The following ENPP2 variants were observed in gnomAD, a reference collection of about 807,000 sequenced individuals.
The protein encoded by ENPP2 is autotaxin.
A neutral mutation model predicts 120.2 loss-of-function variants in ENPP2; 51 were observed. The ratio of observed to expected loss-of-function variants is 0.42; its 90% CI spans 0.34 to 0.54. ENPP2 has a LOEUF of 0.54. Ranked by LOEUF, ENPP2 falls within the 20% of genes least tolerant of loss-of-function variation. The probability of loss-of-function intolerance (pLI) is 0.04; values close to 1 mark genes in which losing one functional copy is unlikely to be tolerated. For missense variants in ENPP2, 920 were observed against 1,066.5 expected (o/e 0.86, Z 1.91); for synonymous variants, 365 against 366.4 (o/e 1.00, Z 0.04).
intron 11 of ENPP2, among the ~76,000 whole-genome samples, chr8:119,598,981 T>C (rs1358298524): frequency 6.6e-6 from 1 of 152,218 alleles, no homozygotes; most frequent in Admixed American, 6.5e-5. Context: ...AACTTTTAAG[T>C]AGGGAACATG....
chr8:119,618,763 G>A lies in ENPP2; in HGVS notation c.479+481C>T, dbSNP rs187429630. On this transcript the variant is annotated intron_variant, in intron 5 of 24. Coordinates refer to ENST00000075322, the MANE Select transcript of ENPP2 (RefSeq NM_001040092.3). ...TTGGCCAGGCTGGTCTCAAACTCCT[G>A]ACCTCAAATGATATGCCCGCCTCAG... Among the ~76,000 whole-genome samples the A allele has an allele frequency of 2.3e-4, 35 of 151,776 alleles. No homozygotes were observed. The East Asian group carries it at 6.6e-3, about 29-fold the overall frequency.
At chr8:119,605,706 G>T (rs1814675560) in intron 9 of ENPP2, among the ~76,000 whole-genome samples, 1 of 108,436 alleles carries the variant, frequency 9.2e-6, no homozygotes. Flanking sequence ...GACCTCAGGT[G>T]ATCTGCCCAC....
intron 3 of ENPP2, among the ~76,000 whole-genome samples, chr8:119,622,677 A>G (rs1815988169): frequency 6.6e-6 from 1 of 152,206 alleles, no homozygotes; most frequent in African/African-American, 2.4e-5. Flanking sequence ...GTGTTCAATC[A>G]ATATGTATTA....
intron 3 of ENPP2, 105 bp downstream of exon 3, chr8:119,626,460 C>T (rs548192513): frequency 7.4e-4 from 578 of 785,560 alleles, no homozygotes; most frequent in Non-Finnish European, 1.1e-3. Flanking sequence ...CTAGAATCCA[C>T]AGTTTGGATA....
chr8:119,607,164 C>T (rs752551242), intron 9 of ENPP2, among the ~76,000 whole-genome samples: 7 of 152,134 alleles, frequency 4.6e-5, no homozygotes, highest in African/African-American at 7.2e-5. Flanking sequence ...TCCTTCGGCT[C>T]CCCAGAGGCC....
intron 2 of ENPP2, among the ~76,000 whole-genome samples, chr8:119,634,737 T>G (rs2130822887): frequency 6.6e-6 from 1 of 152,326 alleles, no homozygotes; most frequent in African/African-American, 2.4e-5. Context: ...ATTTTAGAAG[T>G]TCTTTTCAAA....
chr8:119,599,285 T>C (rs1814117647), intron 11 of ENPP2, among the ~76,000 whole-genome samples: 1 of 152,208 alleles, frequency 6.6e-6, no homozygotes. Context: ...TTACTAGTGC[T>C]TAAATAAATC....
chr8:119,637,791 T>TAA lies in ENPP2; in HGVS notation c.136+633_136+634insTT. Among the ~76,000 whole-genome samples, 3 of 152,328 alleles carry TAA rather than the reference T, an allele frequency of 2.0e-5. 1 individual carries two copies. In the South Asian group the frequency reaches 6.2e-4, roughly 32 times the overall value. The stretch of plus-strand genomic sequence containing the variant: ...CACTGTATGGGAACACTACTTATGG[T>TAA]GTAGTGTATTGTAAAAAGAAACTCT... On this transcript the variant is annotated intron_variant, in intron 2 of 24. Transcript: ENST00000075322.
chr8:119,612,828 T>A (rs1468761810), intron 8 of ENPP2, among the ~76,000 whole-genome samples: 1 of 152,182 alleles, frequency 6.6e-6, no homozygotes, highest in Non-Finnish European at 1.5e-5. Flanking sequence ...AGGCTGAGAC[T>A]GCAGTGAGCC....
At chr8:119,582,676 T>G in intron 17 of ENPP2, 74 bp from the exon 18 acceptor site, 1 of 1,087,172 alleles carries the variant, frequency 9.2e-7, no homozygotes, top group Non-Finnish European at 1.4e-6. Flanking sequence ...TTTAAAACCC[T>G]TCACCTTCTA....
At chr8:119,578,597 A>G (rs972756877) in intron 19 of ENPP2, 4 of 152,210 alleles carry the variant, frequency 2.6e-5, no homozygotes, top group African/African-American at 9.6e-5. Flanking sequence ...TATCTAAAAA[A>G]CTTGAATCAT....
At chr8:119,595,206 T>C (rs1241773517) in intron 11 of ENPP2, among the ~76,000 whole-genome samples, 3 of 152,336 alleles carry the variant, frequency 2.0e-5, no homozygotes, top group East Asian at 1.9e-4. Context: ...ATCCAGAACC[T>C]ACTTCTTAGG....
chr8:119,562,738 T>A, intron 24 of ENPP2, 119 bp downstream of exon 24: 5 of 1,039,132 alleles, frequency 4.8e-6, no homozygotes, highest in Non-Finnish European at 6.9e-6. Flanking sequence ...CCTTTCTTTT[T>A]TCTGTTTAGG....
At chr8:119,600,641 C>A (rs1587442405) in intron 11 of ENPP2, 37 bp downstream of exon 11, 2 of 1,329,350 alleles carry the variant, frequency 1.5e-6, no homozygotes, top group Middle Eastern at 1.8e-4. Flanking sequence ...TAGCCCAGGG[C>A]CACAGATTCT....
chr8:119,646,576 G>C lies in ENPP2; in HGVS notation c.22-8049C>G, dbSNP rs1529780. On this transcript the variant is annotated intron_variant, in intron 1 of 25. Transcript: ENST00000427067. ...ACTCCCTAAATTCAAATCCCAGCTC[G>C]ACCACAGTTTAACTGTGAGACCTTA... Among the ~76,000 whole-genome samples, 1,473 of 152,184 alleles carry C rather than the reference G, an allele frequency of 9.7e-3. 24 individuals carry two copies. The highest frequency in any genetic ancestry group is 0.034 in the African/African-American group (1,397 of 41,530).
chr8:119,565,356 T>C (rs1814330717), intron 22 of ENPP2, among the ~76,000 whole-genome samples: 2 of 152,186 alleles, frequency 1.3e-5, no homozygotes, highest in African/African-American at 4.8e-5. Flanking sequence ...TTCTCGTCCT[T>C]CATATCTCAT....
intron 1 of ENPP2, among the ~76,000 whole-genome samples, chr8:119,643,988 G>A (rs1482767180): frequency 6.6e-6 from 1 of 152,108 alleles, no homozygotes; most frequent in East Asian, 1.9e-4. Context: ...AGACAAAAAG[G>A]CAGCCAGTTT....
At position 119,638,494 on chromosome 8, in the gene ENPP2, T is replaced by C. The variant is rs1314115969; in HGVS notation, c.67A>G (p.Asn23Asp). 1 of 1,609,628 alleles carries C rather than the reference T, an allele frequency of 6.2e-7. No individual in the cohort carries two copies. Among genetic ancestry groups the C allele is most frequent in the South Asian group, 1.1e-5 (1 of 90,986 alleles). Residue 23 changes from asparagine (N) to aspartate (D), a missense_variant, in exon 2 of 25, where the codon AAT becomes GAT. By Grantham distance (23) the Asn-to-Asp change is conservative. Coordinates refer to ENST00000075322, the MANE Select transcript of ENPP2 (RefSeq NM_001040092.3). ...TGTGCAGTGAATCCTAAGCAGATATTGACTCCAACGGCAAAAGTGAACAGG... is the reference window on the plus strand; with the variant it reads ...TGTGCAGTGAATCCTAAGCAGATATCGACTCCAACGGCAAAAGTGAACAGG... ...ISLFTFAVGV[N>D]ICLGFTAHRI...
At chr8:119,601,721 T>C (rs1340076206) in intron 9 of ENPP2, among the ~76,000 whole-genome samples, 1 of 152,164 alleles carries the variant, frequency 6.6e-6, no homozygotes, top group Non-Finnish European at 1.5e-5. Flanking sequence ...GGAACCTGTC[T>C]TGCTAATCAG....
Sources: allele counts gnomAD v4.1 joint callset (sites outside exome capture counted in the v4.1 genomes callset), GRCh38; gene constraint gnomAD v4.1.1; transcripts MANE v1.5; gene names NCBI Gene and HGNC (gene_info 2026-07-23, HGNC 2026-07-21).